Variants in FAM228B observed in about 807,000 individuals in gnomAD.
The protein encoded by FAM228B is protein FAM228B.
A neutral mutation model predicts 42.6 loss-of-function variants in FAM228B; 38 were observed. That is an observed-to-expected ratio of 0.89 (90% CI 0.69 to 1.17). FAM228B has a LOEUF of 1.17. Ranked by LOEUF, FAM228B falls within the 50% of genes most tolerant of loss-of-function variation. The probability of loss-of-function intolerance (pLI) is 0.00; values close to 1 mark genes in which losing one functional copy is unlikely to be tolerated. For missense variants in FAM228B, 344 were observed against 367.3 expected (o/e 0.94, Z 0.52); for synonymous variants, 109 against 122.3 (o/e 0.89, Z 0.72).
At position 24,139,464 on chromosome 2, in the gene FAM228B, C is replaced by CT. The variant is rs1558387244; in HGVS notation, c.441+22dup. The CT allele has an allele frequency of 2.1e-5, 32 of 1,495,074 alleles. No individual in the cohort carries two copies. Among genetic ancestry groups the CT allele is most frequent in the Admixed American group, 1.4e-4 (7 of 50,124 alleles). The allele number at this position is 1,495,074 out of a possible 1,614,324, so 92.6% of individuals were successfully genotyped here. On this transcript the variant is annotated intron_variant, in intron 5 of 10. Transcript: ENST00000615575. ...AATTTTCTGAAGGTAGGGTAGATTT[C>CT]TTTTTTTTAACTTTGGTATTATGTG...
intron 7 of FAM228B, among the ~76,000 whole-genome samples, chr2:24,153,196 G>A (rs1276418738): frequency 6.6e-6 from 1 of 152,176 alleles, no homozygotes; most frequent in Non-Finnish European, 1.5e-5. Flanking sequence ...TACTATGACT[G>A]AGCTGGGACC....
intron 7 of FAM228B, among the ~76,000 whole-genome samples, chr2:24,150,654 A>T (rs1408662761): frequency 6.6e-6 from 1 of 151,980 alleles, no homozygotes; most frequent in Non-Finnish European, 1.5e-5. Context: ...TGAACTCCTG[A>T]CCTCAAGTGA....
intron 2 of FAM228B, 136 bp downstream of exon 2, chr2:24,124,596 T>G: frequency 1.7e-6 from 1 of 578,856 alleles, no homozygotes; most frequent in South Asian, 2.6e-5. Context: ...TTCACTTTAC[T>G]AACTTTGTAT....
chr2:24,164,164 A>C, intron 8 of FAM228B, 34 bp from the exon 9 acceptor site: 1 of 1,525,698 alleles, frequency 6.6e-7, no homozygotes, highest in South Asian at 1.2e-5. Flanking sequence ...TTGAGAGTTA[A>C]GAGAATCCCT....
intron 2 of FAM228B, among the ~76,000 whole-genome samples, chr2:24,089,058 T>C (rs1665328914): frequency 6.6e-6 from 1 of 152,144 alleles, no homozygotes; most frequent in South Asian, 2.1e-4. Flanking sequence ...TTATGAAAGT[T>C]GAGAAATGGG....
At position 24,103,806 on chromosome 2, in the gene FAM228B, T is replaced by C. The variant is rs191063737; in HGVS notation, c.-121+8577T>C. On this transcript the variant is annotated intron_variant, in intron 3 of 10. Transcript: ENST00000613899. ...AGCGCGGGTCTACAGCTCACAGAAC[T>C]GAGTTCTCAAATCCAGGTATCAGTG... is the stretch of plus-strand genomic sequence containing the variant. Among the ~76,000 whole-genome samples the C allele has an allele frequency of 3.3e-5, 5 of 152,326 alleles. No individual in the cohort carries two copies. The East Asian group carries it at 9.6e-4, about 29-fold the overall frequency.
At chr2:24,128,700 C>T (rs1171331295) in intron 2 of FAM228B, among the ~76,000 whole-genome samples, 2 of 148,622 alleles carry the variant, frequency 1.3e-5, no homozygotes, top group Non-Finnish European at 3.0e-5. Flanking sequence ...TATAAATACT[C>T]TTTTTTTTTT....
At chr2:24,097,552 G>T (rs1284935996) in intron 3 of FAM228B, 1 of 151,900 alleles carries the variant, frequency 6.6e-6, no homozygotes, top group African/African-American at 2.4e-5. Flanking sequence ...TTACATAATG[G>T]TAAAGGGATC....
In FAM228B at chr2:24,077,393, C is replaced by T. The variant is rs1189311089; in HGVS notation, c.-290+424C>T. ...GCTGCGACGCCCGTCCGGACTCCCA[C>T]CTCAACCCCGCCGCGGCGGCCCCAG... On this transcript the variant is annotated intron_variant, in intron 1 of 10. Transcript: ENST00000613899. The surrounding 1 kb of genome is among the most constrained non-coding windows in gnomAD (Gnocchi z 5.5). 1.6e-6 allele frequency: 1 copy of T among 628,032 alleles called. No homozygotes were observed. The highest frequency in any genetic ancestry group is 3.0e-5 in the East Asian group (1 of 33,022). 38.9% of individuals were successfully genotyped at this position (628,032 alleles called of 1,614,324 possible). A position where few individuals can be genotyped will look rare whatever the true frequency, so the allele number is the denominator to read the frequency against.
chr2:24,145,566 A>G (rs779339360), intron 5 of FAM228B, among the ~76,000 whole-genome samples: 5 of 152,304 alleles, frequency 3.3e-5, no homozygotes, highest in Non-Finnish European at 7.4e-5. Context: ...GAAACGTGAA[A>G]AAGCAAGGCT....
At position 24,124,322 on chromosome 2, in the gene FAM228B, AT is replaced by A; in HGVS notation, c.-32-3del. The A allele has an allele frequency of 7.6e-7, 1 of 1,318,174 alleles. No homozygotes were observed. The highest frequency in any genetic ancestry group is 1.1e-6 in the Non-Finnish European group (1 of 945,286). The allele number at this position is 1,318,174 out of a possible 1,614,324, so 81.7% of individuals were successfully genotyped here. ...GAAATGTTCAATACTAAATAAGATG[AT>A]TTTTAGTTTTTCCAGGGGCATTGTT... On this transcript the variant is annotated splice_polypyrimidine_tract_variant and splice_region_variant and intron_variant, in intron 1 of 10. Transcript: ENST00000615575.
At chr2:24,085,997 A>C (rs1665231707) in intron 2 of FAM228B, 1 of 152,246 alleles carries the variant, frequency 6.6e-6, no homozygotes, top group Non-Finnish European at 1.5e-5. Flanking sequence ...GAACTTTGGG[A>C]GGCCAAGGCG....
At chr2:24,121,217 C>T (rs1239425335), upstream of FAM228B, 15 of 1,614,048 alleles carry the variant, frequency 9.3e-6, no homozygotes, top group Non-Finnish European at 1.3e-5. Flanking sequence ...AATCTTTTCC[C>T]TTGAAATACA....
chr2:24,116,430 G>A (rs1282543234), intron 3 of FAM228B, among the ~76,000 whole-genome samples: 1 of 152,162 alleles, frequency 6.6e-6, no homozygotes, highest in Non-Finnish European at 1.5e-5. Context: ...GGGCTCAGTT[G>A]ATCCTCCTGC....
chr2:24,156,576 G>A (rs1241332828), intron 7 of FAM228B, among the ~76,000 whole-genome samples: 1 of 152,180 alleles, frequency 6.6e-6, no homozygotes, highest in African/African-American at 2.4e-5. Flanking sequence ...AGAGGTTGCA[G>A]TGAGCCGAGA....
intron 2 of FAM228B, chr2:24,081,084 C>T: frequency 6.6e-7 from 1 of 1,508,356 alleles, no homozygotes; most frequent in Non-Finnish European, 9.1e-7. Flanking sequence ...ACACATTCCC[C>T]ACACAGGCAT....
chr2:24,133,478 A>G (rs1666504196), intron 2 of FAM228B, among the ~76,000 whole-genome samples: 1 of 152,336 alleles, frequency 6.6e-6, no homozygotes, highest in Non-Finnish European at 1.5e-5. Context: ...GATTTTACTC[A>G]TCTGTCCTGG....
chr2:24,108,125 C>A (rs1665729478), intron 3 of FAM228B, among the ~76,000 whole-genome samples: 1 of 152,130 alleles, frequency 6.6e-6, no homozygotes. Flanking sequence ...TACAAAACAC[C>A]TTTAGAGACT....
At chr2:24,149,809 A>T (rs1666984187) in intron 7 of FAM228B, among the ~76,000 whole-genome samples, 1 of 152,094 alleles carries the variant, frequency 6.6e-6, no homozygotes, top group African/African-American at 2.4e-5. Flanking sequence ...GTGTATTGGG[A>T]GTGTGAGCCA....
Sources: allele counts gnomAD v4.1 joint callset (sites outside exome capture counted in the v4.1 genomes callset), GRCh38; gene constraint gnomAD v4.1.1; non-coding constraint Gnocchi (gnomAD v3.1); transcripts MANE v1.5; gene names NCBI Gene and HGNC (gene_info 2026-07-23, HGNC 2026-07-21).